ATP8A2: variants seen among roughly 807,000 people sequenced by gnomAD.
ATP8A2 encodes the protein ATPase phospholipid transporting 8A2, also known as phospholipid-transporting ATPase IB.
In ATP8A2, 100 loss-of-function variants were observed where a neutral mutation model predicts 165.6. That is an observed-to-expected ratio of 0.60 (90% CI 0.51 to 0.71). The LOEUF (loss-of-function observed/expected upper bound fraction) is 0.71. Ranked by LOEUF, ATP8A2 falls within the 30% of genes least tolerant of loss-of-function variation. The pLI is 0.00. For synonymous variants in ATP8A2, 543 were observed against 548.8 expected, an observed-to-expected ratio of 0.99 and a Z score of 0.15; for missense variants, 1,227 against 1,479.5, an observed-to-expected ratio of 0.83 and a Z score of 2.80.
intron 33 of ATP8A2, among the ~76,000 whole-genome samples, chr13:25,876,161 T>C (rs1008882991): frequency 2.4e-4 from 36 of 152,268 alleles, no homozygotes; most frequent in East Asian, 1.9e-3. Context: ...CTCTGGGGCA[T>C]TGTTCCTCAG....
chr13:25,385,489 A>G (rs541886941), intron 1 of ATP8A2, among the ~76,000 whole-genome samples: 1 of 152,334 alleles, frequency 6.6e-6, no homozygotes, highest in African/African-American at 2.4e-5. Flanking sequence ...CTGAAACTTA[A>G]TAAGTATTAC....
At chr13:25,735,581 A>AG (rs2043749774) in intron 25 of ATP8A2, among the ~76,000 whole-genome samples, 1 of 117,268 alleles carries the variant, frequency 8.5e-6, no homozygotes, top group Non-Finnish European at 1.9e-5. Flanking sequence ...TTCTTATGTT[A>AG]GAAAAAAAAA....
chr13:25,804,598 A>G (rs1950690448), intron 27 of ATP8A2, among the ~76,000 whole-genome samples: 2 of 152,202 alleles, frequency 1.3e-5, no homozygotes, highest in African/African-American at 4.8e-5. Context: ...TTCTGTAAAC[A>G]CATTCTAAAT....
rs1396893117 is a variant in ATP8A2, at chr13:25,372,329, G to C, written c.76+41G>C. ...CGCGGCGAGGGAGGGTGGGCCCGGG[G>C]CGGGGGCGGCGCGGGGCGCGCCTGC... On this transcript the variant is annotated intron_variant, in intron 1 of 36. Coordinates refer to ENST00000381655, the MANE Select transcript of ATP8A2 (RefSeq NM_016529.6). The surrounding 1 kb of genome is among the most constrained non-coding windows in gnomAD (Gnocchi z 4.8). 1 of 1,385,792 alleles carries C rather than the reference G, an allele frequency of 7.2e-7. No homozygotes were observed. The highest frequency in any genetic ancestry group is 1.5e-5 in the African/African-American group (1 of 65,500). 85.8% of individuals were successfully genotyped at this position (1,385,792 alleles called of 1,614,324 possible). A position where few individuals can be genotyped will look rare whatever the true frequency, so the allele number is the denominator to read the frequency against.
intron 24 of ATP8A2, among the ~76,000 whole-genome samples, chr13:25,656,889 C>T (rs2041941237): frequency 6.6e-6 from 1 of 151,158 alleles, no homozygotes; most frequent in Admixed American, 6.6e-5. Flanking sequence ...CCTGTCTCTA[C>T]TAAAATTACA....
chr13:25,783,212 G>A (rs1450612716), intron 27 of ATP8A2, among the ~76,000 whole-genome samples: 1 of 152,132 alleles, frequency 6.6e-6, no homozygotes, highest in Non-Finnish European at 1.5e-5. Flanking sequence ...CACAGGCCTG[G>A]TGCCAACCCC....
intron 33 of ATP8A2, among the ~76,000 whole-genome samples, chr13:25,901,776 CTAG>C (rs1953754420): frequency 1.3e-5 from 2 of 152,196 alleles, no homozygotes; most frequent in African/African-American, 4.8e-5. Context: ...TAGGCTTGTT[CTAG>C]CCTGTTGGCT....
At chr13:25,544,997 A>G (rs905239070) in intron 10 of ATP8A2, among the ~76,000 whole-genome samples, 1 of 150,158 alleles carries the variant, frequency 6.7e-6, no homozygotes, top group Non-Finnish European at 1.5e-5. Flanking sequence ...CAGTAATGCT[A>G]CCTTCAGAGG....
At chr13:25,948,624 A>T (rs1002470019) in intron 33 of ATP8A2, among the ~76,000 whole-genome samples, 18 of 152,280 alleles carry the variant, frequency 1.2e-4, no homozygotes, top group African/African-American at 4.1e-4. Flanking sequence ...CCTTGAGCAG[A>T]TAACTAGGGT....
chr13:25,982,035 C>T (rs993067165), intron 35 of ATP8A2, among the ~76,000 whole-genome samples: 1 of 152,130 alleles, frequency 6.6e-6, no homozygotes, highest in Non-Finnish European at 1.5e-5. Flanking sequence ...GCCAGTTCAT[C>T]AGAAATACTC....
At chr13:25,652,300 G>A (rs925131265) in intron 24 of ATP8A2, among the ~76,000 whole-genome samples, 3 of 152,114 alleles carry the variant, frequency 2.0e-5, no homozygotes, top group Non-Finnish European at 4.4e-5. Flanking sequence ...CATTCATTGA[G>A]CAAGCTTTTT....
intron 33 of ATP8A2, among the ~76,000 whole-genome samples, chr13:25,928,084 A>T (rs996122149): frequency 1.3e-5 from 2 of 152,206 alleles, no homozygotes. Context: ...TAGAGAAAAC[A>T]ACTGGTAAGT....
At chr13:25,665,132 C>T (rs998556669) in intron 24 of ATP8A2, among the ~76,000 whole-genome samples, 15 of 152,262 alleles carry the variant, frequency 9.9e-5, no homozygotes, top group Middle Eastern at 6.8e-3. Context: ...CGGAGGTCCC[C>T]GTGCACAGTG....
At chr13:25,386,454 A>G (rs1288381211) in intron 1 of ATP8A2, among the ~76,000 whole-genome samples, 1 of 152,318 alleles carries the variant, frequency 6.6e-6, no homozygotes, top group East Asian at 1.9e-4. Context: ...GTACTTCAGC[A>G]AACTATGCTA....
intron 28 of ATP8A2, among the ~76,000 whole-genome samples, chr13:25,829,683 T>C (rs1429460647): frequency 2.9e-5 from 1 of 34,190 alleles, no homozygotes; most frequent in Non-Finnish European, 5.9e-5. Flanking sequence ...TATATATATA[T>C]ATATATATAT....
At chr13:25,610,942 A>G (rs1246593110) in intron 24 of ATP8A2, among the ~76,000 whole-genome samples, 1 of 130,558 alleles carries the variant, frequency 7.7e-6, no homozygotes, top group Non-Finnish European at 1.6e-5. Context: ...TTTGATTCTC[A>G]CCTTAGTCGC....
chr13:25,571,673 T>A lies in ATP8A2; in HGVS notation c.1643T>A (p.Phe548Tyr). The stretch of plus-strand genomic sequence containing the variant: ...TTTGTCTTCACAGCCAGAACACCAT[T>A]CTCAGTCATCATAGAAGCGGTGAGT... ...LGFVFTARTP[F>Y]SVIIEAMGQE... Residue 548 changes from phenylalanine (F) to tyrosine (Y), a missense_variant, in exon 18 of 37, where the codon TTC becomes TAC. Transcript: ENST00000381655. The A allele has an allele frequency of 6.2e-7, 1 of 1,614,064 alleles. No individual in the cohort carries two copies. Among genetic ancestry groups the A allele is most frequent in the Non-Finnish European group, 8.5e-7 (1 of 1,179,910 alleles).
intron 24 of ATP8A2, among the ~76,000 whole-genome samples, chr13:25,617,979 GTTACCC>G (rs1425751831): frequency 6.6e-6 from 1 of 152,142 alleles, no homozygotes. Context: ...TTCGTGGCTA[GTTACCC>G]GTAGTGTAAA....
chr13:25,912,155 G>GACACACAC (rs3056187), intron 33 of ATP8A2, among the ~76,000 whole-genome samples: 4 of 141,242 alleles, frequency 2.8e-5, no homozygotes, highest in South Asian at 2.3e-4. Flanking sequence ...GAAAATGTGA[G>GACACACAC]ACACACACAC....
Sources: gnomAD v4.1 joint callset for allele counts (sites outside exome capture counted in the v4.1 genomes callset) on GRCh38, gnomAD v4.1.1 for gene constraint, Gnocchi (gnomAD v3.1) non-coding constraint, MANE v1.5 for transcripts, NCBI Gene and HGNC (gene_info 2026-07-23, HGNC 2026-07-21) for gene names.